Variants in KMT2C observed in about 807,000 individuals in gnomAD.
The protein encoded by KMT2C is lysine methyltransferase 2C.
A neutral mutation model predicts 507.9 loss-of-function variants in KMT2C; 88 were observed. That is an observed-to-expected ratio of 0.17 (90% CI 0.15 to 0.21). The LOEUF (loss-of-function observed/expected upper bound fraction) is 0.21. Ranked by LOEUF, KMT2C falls within the 10% of genes least tolerant of loss-of-function variation. KMT2C has a pLI of 1.00. For synonymous variants in KMT2C, 2,049 were observed against 2,080.8 expected (o/e 0.98, Z 0.42); for missense variants, 4,954 against 5,957.8 (o/e 0.83, Z 5.55).
intron 1 of KMT2C, among the ~76,000 whole-genome samples, chr7:152,388,056 G>C (rs1351858277): frequency 6.7e-6 from 1 of 149,562 alleles, no homozygotes; most frequent in Non-Finnish European, 1.5e-5. Flanking sequence ...ATGTTATGCA[G>C]TGAAGCTTTC....
chr7:152,137,081 T>C, intron 58 of KMT2C, 157 bp from the exon 59 acceptor site: 1 of 613,242 alleles, frequency 1.6e-6, no homozygotes, highest in Non-Finnish European at 2.9e-6. Context: ...GGGGGAACCC[T>C]GAAAAGAGGC....
intron 1 of KMT2C, among the ~76,000 whole-genome samples, chr7:152,370,606 ATC>A: frequency 6.6e-6 from 1 of 152,350 alleles, no homozygotes; most frequent in South Asian, 2.1e-4. Context: ...AAACACAAAA[ATC>A]ATCAAGAATA....
intron 1 of KMT2C, among the ~76,000 whole-genome samples, chr7:152,372,765 T>A (rs545236149): frequency 6.6e-6 from 1 of 152,164 alleles, no homozygotes; most frequent in African/African-American, 2.4e-5. Flanking sequence ...ACCGTAATAG[T>A]GGGGAACTTA....
chr7:152,178,815 A>G lies in KMT2C; in HGVS notation c.7443-805T>C, dbSNP rs1471070437. On this transcript the variant is annotated intron_variant, in intron 37 of 58. Coordinates refer to ENST00000262189, the MANE Select transcript of KMT2C (RefSeq NM_170606.3). ...ACTAAAAGACATAAAACTAAAAAGC[A>G]TATCTTAAAGAACTATTTCCTTATT... Among the ~76,000 whole-genome samples, 8 of 152,202 alleles carry G rather than the reference A, an allele frequency of 5.3e-5. No homozygotes were observed. In the East Asian group the frequency reaches 1.3e-3, roughly 26 times the overall value.
At chr7:152,195,000 C>G (rs1358776314) in intron 28 of KMT2C, among the ~76,000 whole-genome samples, 1 of 152,056 alleles carries the variant, frequency 6.6e-6, no homozygotes. Context: ...ATGAAAAGCC[C>G]TAAAATGCTC....
intron 6 of KMT2C, among the ~76,000 whole-genome samples, chr7:152,299,026 A>G (rs1380308464): frequency 1.3e-5 from 2 of 152,226 alleles, no homozygotes; most frequent in South Asian, 2.1e-4. Flanking sequence ...TGGAATCATA[A>G]TAAATAATGT....
At chr7:152,383,234 A>G (rs1313180133) in intron 1 of KMT2C, among the ~76,000 whole-genome samples, 1 of 152,188 alleles carries the variant, frequency 6.6e-6, no homozygotes, top group Non-Finnish European at 1.5e-5. Context: ...TCTGTTGTTG[A>G]TTATTTAAAA....
chr7:152,266,187 A>T lies in KMT2C; in HGVS notation c.1013-978T>A, dbSNP rs199563916. On this transcript the variant is annotated intron_variant, in intron 7 of 58. Transcript: ENST00000262189. ...CAGTCAAGCCTATCATACCAACCTT[A>T]GATAATATATATAAATATGCCTGTA... Among the ~76,000 whole-genome samples, 178 of 151,754 alleles carry T rather than the reference A, an allele frequency of 1.2e-3. 1 individual carries two copies. The highest frequency in any genetic ancestry group is 0.01 in the Admixed American group (160 of 15,248).
At chr7:152,250,231 A>G (rs1363530764) in intron 12 of KMT2C, among the ~76,000 whole-genome samples, 1 of 152,164 alleles carries the variant, frequency 6.6e-6, no homozygotes, top group African/African-American at 2.4e-5. Context: ...ATTATACGTA[A>G]ACTTAATAAA....
In KMT2C at chr7:152,176,193, A is replaced by G. The variant is rs201164931; in HGVS notation, c.9260T>C (p.Ile3087Thr). 35 of 1,591,814 alleles carry G rather than the reference A, an allele frequency of 2.2e-5. No homozygotes were observed. The Admixed American group carries it at 3.4e-4, about 15-fold the overall frequency. ...TTGAGACTCAAGAAAACTCCTACCAATATTAGGGAAGAACGGTTCTGATCG... is the reference window on the plus strand; with the variant it reads ...TTGAGACTCAAGAAAACTCCTACCAGTATTAGGGAAGAACGGTTCTGATCG... ...RQRSEPFFPNIDFDAITDPIM... is the reference protein window; with the variant it reads ...RQRSEPFFPNTDFDAITDPIM... The change falls in exon 38 of 59, where the codon ATT (isoleucine) becomes ACT (threonine). Residue 3087 changes from isoleucine to threonine, a missense_variant and splice_region_variant. Around this residue, in one of 29 missense-constraint regions of KMT2C, gnomAD observed 1,689 missense variants for 1,654.3 expected, o/e 1.02. Transcript: ENST00000262189.
At chr7:152,366,338 C>T (rs2097243414) in intron 1 of KMT2C, among the ~76,000 whole-genome samples, 1 of 152,124 alleles carries the variant, frequency 6.6e-6, no homozygotes, top group Admixed American at 6.5e-5. Context: ...ACATAATTAA[C>T]AGTTAAGTAA....
chr7:152,237,976 T>C, intron 15 of KMT2C, among the ~76,000 whole-genome samples: 1 of 152,300 alleles, frequency 6.6e-6, no homozygotes, highest in Non-Finnish European at 1.5e-5. Flanking sequence ...GAGGTATATT[T>C]ATACCTCAAT....
intron 32 of KMT2C, 69 bp downstream of exon 32, chr7:152,187,646 G>A: frequency 6.5e-7 from 1 of 1,536,350 alleles, no homozygotes; most frequent in South Asian, 1.2e-5. Flanking sequence ...CATTTAAGCA[G>A]ACTAATTTAT....
intron 1 of KMT2C, among the ~76,000 whole-genome samples, chr7:152,373,561 T>C (rs757460378): frequency 6.6e-6 from 1 of 152,168 alleles, no homozygotes; most frequent in African/African-American, 2.4e-5. Context: ...AGCTAAGTGA[T>C]AAGAAATAAG....
Position 152,252,580 on chromosome 7 carries a change from G to C in KMT2C, c.1435C>G (p.Gln479Glu). Residue 479 changes from glutamine (Q) to glutamate (E), a missense_variant, in exon 10 of 59, where the codon CAG (glutamine) becomes GAG (glutamate). Gln to Glu is a conservative substitution (Grantham distance 29, BLOSUM62 2). Transcript: ENST00000262189. ...FCGKCYHPELQKDMLHCNMCK... is the reference protein window; with the variant it reads ...FCGKCYHPELEKDMLHCNMCK... The stretch of plus-strand genomic sequence containing the variant: ...ATATTACAATGAAGCATGTCTTTCT[G>C]CAATTCTGGATGATAACACTTCCCA... 7 of 1,613,264 alleles carry C rather than the reference G, an allele frequency of 4.3e-6. No homozygotes were observed. Among genetic ancestry groups the C allele is most frequent in the Non-Finnish European group, 5.9e-6 (7 of 1,179,540 alleles).
intron 23 of KMT2C, among the ~76,000 whole-genome samples, chr7:152,219,660 A>G (rs2094704058): frequency 6.6e-6 from 1 of 152,184 alleles, no homozygotes; most frequent in Admixed American, 6.5e-5. Context: ...TCAGTTGAAA[A>G]TAAATAACCG....
chr7:152,255,125 A>ATATATG (rs2095631779), intron 9 of KMT2C, among the ~76,000 whole-genome samples: 1 of 119,860 alleles, frequency 8.3e-6, no homozygotes, highest in Non-Finnish European at 1.7e-5. Context: ...ATATATATAT[A>ATATATG]TATATATATA....
intron 21 of KMT2C, among the ~76,000 whole-genome samples, 174 bp downstream of exon 21, chr7:152,222,399 C>G (rs1426130932): frequency 6.6e-6 from 1 of 152,112 alleles, no homozygotes; most frequent in Non-Finnish European, 1.5e-5. Flanking sequence ...TGTTTTATAA[C>G]AAGTTGTGAT....
At chr7:152,242,010 T>C (rs1428162703) in intron 14 of KMT2C, among the ~76,000 whole-genome samples, 1 of 152,208 alleles carries the variant, frequency 6.6e-6, no homozygotes, top group Non-Finnish European at 1.5e-5. Flanking sequence ...TGACAAATTA[T>C]CTAGTATATT....
Sources: gnomAD v4.1 joint callset for allele counts (sites outside exome capture counted in the v4.1 genomes callset) on GRCh38, gnomAD v4.1.1 for gene constraint, gnomAD v4.1.1 regional missense constraint, MANE v1.5 for transcripts, NCBI Gene and HGNC (gene_info 2026-07-23, HGNC 2026-07-21) for gene names.